PKIB: variants seen among roughly 807,000 people sequenced by gnomAD.
The protein encoded by PKIB is cAMP-dependent protein kinase inhibitor beta, also known as PKI-beta.
A neutral mutation model predicts 4.5 loss-of-function variants in PKIB; 2 were observed. The observed-to-expected ratio is 0.44, with a 90% CI of 0.18 to 1.39. PKIB has a LOEUF of 1.39. Ranked by LOEUF, PKIB falls within the 40% of genes most tolerant of loss-of-function variation. The pLI is 0.27. For missense variants in PKIB, 94 were observed against 92.6 expected (o/e 1.02, Z -0.06); for synonymous variants, 38 against 36.0 (o/e 1.06, Z -0.20).
At chr6:122,638,523 C>T (rs1317516849) in intron 2 of PKIB, among the ~76,000 whole-genome samples, 1 of 152,192 alleles carries the variant, frequency 6.6e-6, no homozygotes, top group East Asian at 1.9e-4. Flanking sequence ...CATGTCCTCC[C>T]ACTAGCAGTC....
At chr6:122,670,388 G>A (rs577731467) in intron 2 of PKIB, among the ~76,000 whole-genome samples, 4 of 152,200 alleles carry the variant, frequency 2.6e-5, no homozygotes, top group Non-Finnish European at 5.9e-5. Flanking sequence ...CCTTTGGTGG[G>A]CCCTTATTGC....
intron 2 of PKIB, among the ~76,000 whole-genome samples, chr6:122,565,783 A>T (rs1274305607): frequency 1.3e-5 from 2 of 152,206 alleles, no homozygotes; most frequent in Non-Finnish European, 1.5e-5. Context: ...GGTGAAAGTG[A>T]CAGCAACCCA....
chr6:122,693,857 A>G (rs1306219079), intron 3 of PKIB, among the ~76,000 whole-genome samples: 1 of 152,228 alleles, frequency 6.6e-6, no homozygotes, highest in Admixed American at 6.5e-5. Flanking sequence ...AGGGTTGATT[A>G]TCAGAGTGAA....
In PKIB at chr6:122,666,460, GTTTTGT is replaced by G. The variant is rs377668918; in HGVS notation, c.-75-8590_-75-8585del. On this transcript the variant is annotated intron_variant, in intron 2 of 4. Coordinates refer to ENST00000368452, the MANE Select transcript of PKIB (RefSeq NM_181795.3). Reference sequence around the variant, plus strand: ...AAAACTGGGGATATGTGCTAGTTGTGTTTTGTTTTTGTTTTTGTTTTTGTTTTTGTT... The same window carrying G: ...AAAACTGGGGATATGTGCTAGTTGTGTTTTGTTTTTGTTTTTGTTTTTGTT... Among the ~76,000 whole-genome samples the G allele has an allele frequency of 2.1e-3, 317 of 152,232 alleles. 2 individuals are homozygous for G. Among genetic ancestry groups the G allele is most frequent in the African/African-American group, 6.8e-3 (281 of 41,514 alleles).
At chr6:122,473,923 AG>A (rs1775381231) in intron 1 of PKIB, among the ~76,000 whole-genome samples, 1 of 152,228 alleles carries the variant, frequency 6.6e-6, no homozygotes, top group South Asian at 2.1e-4. Flanking sequence ...ACCTGAGGTC[AG>A]GAGTTCCAGA....
chr6:122,719,512 A>T (rs1244066486), intron 4 of PKIB, among the ~76,000 whole-genome samples: 1 of 152,186 alleles, frequency 6.6e-6, no homozygotes, highest in African/African-American at 2.4e-5. Context: ...AATCTGAAAG[A>T]GACAAACTGC....
intron 2 of PKIB, among the ~76,000 whole-genome samples, chr6:122,502,176 A>T (rs963616370): frequency 2.6e-5 from 4 of 151,898 alleles, no homozygotes; most frequent in Non-Finnish European, 5.9e-5. Flanking sequence ...AAAATTAACA[A>T]GTCTCTAGGA....
At chr6:122,697,590 G>C (rs1778627530) in intron 3 of PKIB, among the ~76,000 whole-genome samples, 1 of 151,978 alleles carries the variant, frequency 6.6e-6, no homozygotes, top group Non-Finnish European at 1.5e-5. Context: ...GCTCCCAGGG[G>C]GTGTGAATTG....
chr6:122,590,912 T>C (rs182390481), intron 3 of PKIB, among the ~76,000 whole-genome samples: 110 of 152,098 alleles, frequency 7.2e-4, no homozygotes, highest in African/African-American at 2.6e-3. Flanking sequence ...GGGATTGAGA[T>C]AAAAGTGTAG....
chr6:122,656,285 C>T (rs1396939011), intron 2 of PKIB, among the ~76,000 whole-genome samples: 1 of 152,158 alleles, frequency 6.6e-6, no homozygotes, highest in Non-Finnish European at 1.5e-5. Context: ...AATCCTCTTT[C>T]AGAGAATAGT....
chr6:122,650,284 C>A (rs763524547), intron 2 of PKIB, among the ~76,000 whole-genome samples: 1 of 152,050 alleles, frequency 6.6e-6, no homozygotes, highest in Non-Finnish European at 1.5e-5. Flanking sequence ...AATCATCACC[C>A]CTGCATCCTT....
intron 3 of PKIB, among the ~76,000 whole-genome samples, chr6:122,699,451 A>G (rs1032120538): frequency 3.3e-5 from 5 of 149,632 alleles, no homozygotes; most frequent in African/African-American, 1.2e-4. Context: ...TTTGTTGGAA[A>G]TAGGGACCTG....
intron 2 of PKIB, among the ~76,000 whole-genome samples, chr6:122,634,264 G>A (rs961245486): frequency 3.3e-5 from 5 of 151,948 alleles, no homozygotes; most frequent in African/African-American, 4.8e-5. Flanking sequence ...TGTAGATGAC[G>A]GGTTGATGGG....
At chr6:122,521,203 G>T (rs572632001) in intron 2 of PKIB, among the ~76,000 whole-genome samples, 11 of 152,292 alleles carry the variant, frequency 7.2e-5, no homozygotes, top group East Asian at 5.8e-4. Flanking sequence ...CGGACTGGCC[G>T]CAGGCCACCA....
At chr6:122,646,244 A>G (rs1169009134) in intron 2 of PKIB, among the ~76,000 whole-genome samples, 1 of 152,168 alleles carries the variant, frequency 6.6e-6, no homozygotes. Flanking sequence ...TTTCCTTACA[A>G]TAATATGAGT....
At chr6:122,536,377 CTAATA>C (rs1334457297) in intron 2 of PKIB, among the ~76,000 whole-genome samples, 5 of 152,082 alleles carry the variant, frequency 3.3e-5, no homozygotes, top group Admixed American at 1.3e-4. Context: ...GTAATCAGCT[CTAATA>C]TGAGTTCTAG....
At chr6:122,621,538 G>GAACCA in intron 1 of PKIB, among the ~76,000 whole-genome samples, 1 of 152,328 alleles carries the variant, frequency 6.6e-6, no homozygotes, top group South Asian at 2.1e-4. Context: ...CTCTGTAGAG[G>GAACCA]TGATGCTATT....
At chr6:122,650,799 G>T (rs779829418) in intron 2 of PKIB, among the ~76,000 whole-genome samples, 2 of 152,096 alleles carry the variant, frequency 1.3e-5, no homozygotes, top group Non-Finnish European at 2.9e-5. Context: ...TATGTGAGCA[G>T]GTCTTACATG....
At position 122,710,745 on chromosome 6, in the gene PKIB, C is replaced by T. The variant is rs541935593; in HGVS notation, c.-8-7042C>T. Among the ~76,000 whole-genome samples the T allele has an allele frequency of 2.0e-5, 3 of 152,274 alleles. No homozygotes were observed. The South Asian group carries it at 6.2e-4, about 32-fold the overall frequency. On this transcript the variant is annotated intron_variant, in intron 3 of 4. Transcript: ENST00000368452. The stretch of plus-strand genomic sequence containing the variant: ...AAGACCTTACTTACTGTGCCAAATT[C>T]CACAGTATCTAGCGTGGGGCTTTGC...
Sources: allele counts gnomAD v4.1 joint callset (sites outside exome capture counted in the v4.1 genomes callset), GRCh38; gene constraint gnomAD v4.1.1; transcripts MANE v1.5; gene names NCBI Gene and HGNC (gene_info 2026-07-23, HGNC 2026-07-21).